The following RHOJ variants were observed in gnomAD, a reference collection of about 807,000 sequenced individuals.
RHOJ encodes ras homolog family member J.
Under a neutral mutation model 23.4 loss-of-function variants are expected in RHOJ, and 11 were observed. The observed-to-expected ratio is 0.47, with a 90% CI of 0.30 to 0.78. The LOEUF (loss-of-function observed/expected upper bound fraction) is 0.78, where lower values mean the gene tolerates loss of function less well. Among genes scored for constraint, RHOJ ranks in the 30% least tolerant of loss-of-function variants. RHOJ has a pLI of 0.08. For synonymous variants in RHOJ, 102 were observed against 102.7 expected (o/e 0.99, Z 0.04); for missense variants, 254 against 273.4 (o/e 0.93, Z 0.50).
At position 63,204,863 on chromosome 14, in the gene RHOJ, C is replaced by T. The variant is rs762796091; in HGVS notation, c.-7C>T. 2.5e-6 allele frequency: 4 copies of T among 1,609,966 alleles called. No homozygotes were observed. The highest frequency in any genetic ancestry group is 1.1e-5 in the South Asian group (1 of 90,478). ...AGCAGGAGTCCCCAGCAGCTGGAGC[C>T]GCAAGAATGAACTGCAAAGAGGGAA... is the stretch of plus-strand genomic sequence containing the variant. On this transcript the variant is annotated 5_prime_UTR_variant, in exon 1 of 5. Transcript: ENST00000316754.
intron 1 of RHOJ, among the ~76,000 whole-genome samples, chr14:63,222,731 T>G (rs1035248491): frequency 2.0e-5 from 3 of 152,184 alleles, no homozygotes; most frequent in Non-Finnish European, 2.9e-5. Flanking sequence ...ATTAGCCCTT[T>G]GTCAGATGAG....
chr14:63,249,508 T>A (rs549389618), intron 1 of RHOJ, among the ~76,000 whole-genome samples: 33 of 152,348 alleles, frequency 2.2e-4, no homozygotes, highest in Admixed American at 1.9e-3. Flanking sequence ...CAGATAAATT[T>A]GACAAGAGCT....
intron 1 of RHOJ, among the ~76,000 whole-genome samples, chr14:63,219,041 T>C (rs1894426867): frequency 6.6e-6 from 1 of 152,180 alleles, no homozygotes; most frequent in Non-Finnish European, 1.5e-5. Context: ...CTTACCATAG[T>C]TTTCCTTTGT....
intron 1 of RHOJ, among the ~76,000 whole-genome samples, chr14:63,211,970 G>A (rs1594749380): frequency 6.6e-6 from 1 of 152,280 alleles, no homozygotes; most frequent in East Asian, 1.9e-4. Flanking sequence ...AACATGTAAG[G>A]GATTAACTCA....
intron 1 of RHOJ, among the ~76,000 whole-genome samples, chr14:63,221,116 T>C (rs757388094): frequency 6.6e-6 from 1 of 151,966 alleles, no homozygotes; most frequent in Non-Finnish European, 1.5e-5. Flanking sequence ...ATTGCGTGAG[T>C]CCAGGAGTTC....
intron 1 of RHOJ, among the ~76,000 whole-genome samples, chr14:63,207,841 T>G (rs181959139): frequency 4.3e-4 from 66 of 152,298 alleles, no homozygotes; most frequent in African/African-American, 1.4e-3. Flanking sequence ...GAGAACAAAG[T>G]GATTAACATA....
intron 1 of RHOJ, among the ~76,000 whole-genome samples, chr14:63,243,525 A>C (rs550533423): frequency 4.8e-4 from 73 of 152,224 alleles, no homozygotes; most frequent in Non-Finnish European, 9.7e-4. Flanking sequence ...TTTTTAGTAG[A>C]GACGGGGTTT....
At chr14:63,253,184 T>C (rs1895102302) in intron 1 of RHOJ, among the ~76,000 whole-genome samples, 1 of 152,218 alleles carries the variant, frequency 6.6e-6, no homozygotes, top group African/African-American at 2.4e-5. Flanking sequence ...GTCCTGAGCC[T>C]AAGGCTGTCA....
At chr14:63,271,881 A>G (rs1895477445) in intron 2 of RHOJ, among the ~76,000 whole-genome samples, 1 of 152,192 alleles carries the variant, frequency 6.6e-6, no homozygotes, top group Non-Finnish European at 1.5e-5. Flanking sequence ...TACAGATGTG[A>G]GCCCAAGAGT....
chr14:63,224,011 T>C (rs1446364644), intron 1 of RHOJ, among the ~76,000 whole-genome samples: 2 of 152,302 alleles, frequency 1.3e-5, no homozygotes, highest in South Asian at 4.1e-4. Flanking sequence ...CTTGATAACA[T>C]AGCGCTCCAG....
At chr14:63,273,912 G>T (rs1412391025) in intron 2 of RHOJ, among the ~76,000 whole-genome samples, 1 of 152,246 alleles carries the variant, frequency 6.6e-6, no homozygotes, top group Non-Finnish European at 1.5e-5. Flanking sequence ...GCACAGAATG[G>T]TGTCTGTCAC....
chr14:63,269,358 G>T (rs1895425074), intron 2 of RHOJ, 190 bp downstream of exon 2: 1 of 480,112 alleles, frequency 2.1e-6, no homozygotes. Flanking sequence ...AATCTAAATT[G>T]TTACATCATT....
In RHOJ at chr14:63,234,146, T is replaced by C. The variant is rs114863868; in HGVS notation, c.178+29099T>C. ...CAAACTTTACCTCCTTCTTGAAAGC[T>C]TCTCTATTTCCCCAGATGTTCTACT... is the stretch of plus-strand genomic sequence containing the variant. On this transcript the variant is annotated intron_variant, in intron 1 of 4. Coordinates refer to ENST00000316754, the MANE Select transcript of RHOJ (RefSeq NM_020663.5). Among the ~76,000 whole-genome samples the C allele has an allele frequency of 1.6e-3, 242 of 152,380 alleles. 1 individual carries two copies. The highest frequency in any genetic ancestry group is 5.5e-3 in the African/African-American group (230 of 41,598).
intron 1 of RHOJ, among the ~76,000 whole-genome samples, chr14:63,210,809 G>T (rs1894219422): frequency 6.6e-6 from 1 of 152,220 alleles, no homozygotes; most frequent in Admixed American, 6.5e-5. Context: ...ACATAGGTGT[G>T]TAAAATAAGC....
At chr14:63,290,800 T>G (rs1882225200) in intron 4 of RHOJ, 78 bp from the exon 5 acceptor site, 1 of 1,430,306 alleles carries the variant, frequency 7.0e-7, no homozygotes, top group Admixed American at 2.1e-5. Flanking sequence ...AGTAAGTGCT[T>G]GTCTGGGCAG....
chr14:63,254,641 G>C (rs1895130781), intron 1 of RHOJ, among the ~76,000 whole-genome samples: 1 of 152,118 alleles, frequency 6.6e-6, no homozygotes, highest in African/African-American at 2.4e-5. Flanking sequence ...AAGGAGAAGA[G>C]AGAAGCGGGA....
rs577741742 is a variant in RHOJ at position 63,286,034 on chromosome 14, C to T, written c.498+2818C>T. 1.1e-4 allele frequency among the ~76,000 whole-genome samples: 16 copies of T among 152,292 alleles called. No homozygotes were observed. The South Asian group carries it at 3.1e-3, about 30-fold the overall frequency. Reference sequence around the variant, plus strand: ...CTTTAACTTGGCACCTGCTAAGTTTCCTGCTGGGTTTTTAACATGCACAGG... The same window carrying T: ...CTTTAACTTGGCACCTGCTAAGTTTTCTGCTGGGTTTTTAACATGCACAGG... On this transcript the variant is annotated intron_variant, in intron 4 of 4. Transcript: ENST00000316754.
At chr14:63,267,104 TC>T (rs1393147218) in intron 1 of RHOJ, among the ~76,000 whole-genome samples, 1 of 152,176 alleles carries the variant, frequency 6.6e-6, no homozygotes, top group Non-Finnish European at 1.5e-5. Flanking sequence ...TTGAGTTCAG[TC>T]CAGGAACCTG....
chr14:63,262,670 A>T (rs1177298321), intron 1 of RHOJ, among the ~76,000 whole-genome samples: 2 of 152,210 alleles, frequency 1.3e-5, no homozygotes, highest in East Asian at 3.8e-4. Context: ...CAGCAGTTCC[A>T]ATCTTGCCAG....
Sources: allele counts gnomAD v4.1 joint callset (sites outside exome capture counted in the v4.1 genomes callset), GRCh38; gene constraint gnomAD v4.1.1; transcripts MANE v1.5; gene names NCBI Gene and HGNC (gene_info 2026-07-23, HGNC 2026-07-21).